Variants in RNLS observed in about 807,000 individuals in gnomAD.
The protein encoded by RNLS is renalase.
In RNLS, 39 loss-of-function variants were observed where a neutral mutation model predicts 39.8. That is an observed-to-expected ratio of 0.98 (90% confidence interval 0.76 to 1.28). The LOEUF (loss-of-function observed/expected upper bound fraction) is 1.28. Among genes scored for constraint, RNLS ranks in the 50% most tolerant of loss-of-function variants. The probability of loss-of-function intolerance (pLI) is 0.00; values close to 1 mark genes in which losing one functional copy is unlikely to be tolerated. For synonymous variants in RNLS, 147 were observed against 150.7 expected (o/e 0.98, Z 0.18); for missense variants, 410 against 413.3 (o/e 0.99, Z 0.07).
At chr10:88,476,480 C>T (rs1337935613) in intron 4 of RNLS, among the ~76,000 whole-genome samples, 1 of 152,128 alleles carries the variant, frequency 6.6e-6, no homozygotes, top group Non-Finnish European at 1.5e-5. Context: ...AATCTTGATG[C>T]ATATTATGAG....
intron 4 of RNLS, among the ~76,000 whole-genome samples, chr10:88,423,313 A>G (rs1007364339): frequency 6.6e-6 from 1 of 152,148 alleles, no homozygotes; most frequent in Non-Finnish European, 1.5e-5. Flanking sequence ...AGCATTTTCC[A>G]TATCTCTTAT....
At chr10:88,180,792 A>AT in the RNLS span, among the ~76,000 whole-genome samples, 1 of 152,142 alleles carries the variant, frequency 6.6e-6, no homozygotes, top group Non-Finnish European at 1.5e-5. Flanking sequence ...TATCAAACAG[A>AT]TTTTTTTCAC....
At chr10:88,522,327 G>A (rs1846803526) in intron 4 of RNLS, among the ~76,000 whole-genome samples, 1 of 151,986 alleles carries the variant, frequency 6.6e-6, no homozygotes, top group African/African-American at 2.4e-5. Flanking sequence ...TTTGAATATT[G>A]AATAAAAATC....
intron 4 of RNLS, among the ~76,000 whole-genome samples, chr10:88,540,521 C>A (rs952524072): frequency 3.9e-5 from 6 of 152,108 alleles, no homozygotes; most frequent in African/African-American, 1.4e-4. Flanking sequence ...TTTGAAAGTG[C>A]AAAATAGTTC....
At chr10:88,566,058 T>C (rs1849484296) in intron 4 of RNLS, among the ~76,000 whole-genome samples, 2 of 152,044 alleles carry the variant, frequency 1.3e-5, no homozygotes, top group Admixed American at 6.6e-5. Context: ...ATATCATTTT[T>C]TATAATAAGA....
chr10:88,450,748 C>T (rs1842314918), intron 4 of RNLS, among the ~76,000 whole-genome samples: 2 of 152,188 alleles, frequency 1.3e-5, no homozygotes, highest in African/African-American at 4.8e-5. Flanking sequence ...GACTTGTTTA[C>T]AGTAAGTTGA....
At chr10:88,420,809 C>T (rs967399439) in intron 4 of RNLS, among the ~76,000 whole-genome samples, 5 of 152,204 alleles carry the variant, frequency 3.3e-5, no homozygotes, top group South Asian at 2.1e-4. Context: ...GGCGCTAATG[C>T]TATGTTTGAA....
At chr10:88,513,097 T>A (rs1417857568) in intron 4 of RNLS, among the ~76,000 whole-genome samples, 1 of 152,022 alleles carries the variant, frequency 6.6e-6, no homozygotes, top group African/African-American at 2.4e-5. Context: ...TAGAAAAAAA[T>A]ATACCTCCCC....
At chr10:88,423,980 C>G (rs1488693059) in intron 4 of RNLS, among the ~76,000 whole-genome samples, 1 of 152,168 alleles carries the variant, frequency 6.6e-6, no homozygotes, top group Non-Finnish European at 1.5e-5. Context: ...GGACAAGTGT[C>G]CCTCTCATGT....
intron 4 of RNLS, among the ~76,000 whole-genome samples, chr10:88,393,040 C>G (rs796562678): frequency 5.3e-5 from 8 of 152,262 alleles, no homozygotes; most frequent in African/African-American, 1.9e-4. Flanking sequence ...TGGAACGTAT[C>G]TCAAAATAAT....
intron 4 of RNLS, among the ~76,000 whole-genome samples, chr10:88,565,957 C>G (rs1173106873): frequency 1.3e-5 from 2 of 151,746 alleles, no homozygotes; most frequent in East Asian, 3.9e-4. Context: ...TCATGTTGGC[C>G]AGGATGGTCT....
chr10:88,427,390 T>G (rs1353785549), intron 4 of RNLS, among the ~76,000 whole-genome samples: 1 of 152,058 alleles, frequency 6.6e-6, no homozygotes, highest in East Asian at 1.9e-4. Context: ...AGATTTTGGA[T>G]AATCCATGTC....
the RNLS span, among the ~76,000 whole-genome samples, chr10:88,176,262 C>T: frequency 6.6e-6 from 1 of 152,044 alleles, no homozygotes; most frequent in Non-Finnish European, 1.5e-5. Context: ...GCAACCTCTG[C>T]CTCCCAGGTT....
chr10:88,420,858 G>T (rs546319549), intron 4 of RNLS, among the ~76,000 whole-genome samples: 3 of 152,196 alleles, frequency 2.0e-5, no homozygotes, highest in Non-Finnish European at 4.4e-5. Context: ...GTTTTAGAAA[G>T]TTACTTGTGC....
At chr10:88,210,737 G>A in the RNLS span, among the ~76,000 whole-genome samples, 1 of 152,150 alleles carries the variant, frequency 6.6e-6, no homozygotes, top group Non-Finnish European at 1.5e-5. Flanking sequence ...GAGCTTGAGA[G>A]TGTCTATTTC....
At chr10:88,235,307 C>T in the RNLS span, among the ~76,000 whole-genome samples, 1 of 141,060 alleles carries the variant, frequency 7.1e-6, no homozygotes, top group Non-Finnish European at 1.6e-5. Context: ...AAATCCCTAA[C>T]ATGGATCCAA....
chr10:88,469,822 CGTGTGTGTGTGT>C (rs199651876), intron 4 of RNLS, among the ~76,000 whole-genome samples: 24 of 138,198 alleles, frequency 1.7e-4, no homozygotes, highest in Admixed American at 4.3e-4. Context: ...TATGTGTGTG[CGTGTGTGTGTGT>C]GTGTGTGTGT....
intron 6 of RNLS, among the ~76,000 whole-genome samples, chr10:88,292,979 T>C (rs1843779783): frequency 6.6e-6 from 1 of 151,892 alleles, no homozygotes; most frequent in Non-Finnish European, 1.5e-5. Flanking sequence ...TGAACCAGAG[T>C]TGGAGGTTGC....
intron 5 of RNLS, among the ~76,000 whole-genome samples, chr10:88,353,151 G>A (rs1458410906): frequency 1.3e-5 from 2 of 152,108 alleles, no homozygotes; most frequent in East Asian, 1.9e-4. Context: ...CAAAAAACCA[G>A]CTCCTGGATT....
Sources: allele counts gnomAD v4.1 joint callset (sites outside exome capture counted in the v4.1 genomes callset), GRCh38; gene constraint gnomAD v4.1.1; transcripts MANE v1.5; gene names NCBI Gene and HGNC (gene_info 2026-07-23, HGNC 2026-07-21).